ZNF536: variants seen among roughly 807,000 people sequenced by gnomAD.
ZNF536 encodes zinc finger protein 536.
Under a neutral mutation model 84.5 loss-of-function variants are expected in ZNF536, and 13 were observed. That is an observed-to-expected ratio of 0.15 (90% CI 0.10 to 0.24). The LOEUF (loss-of-function observed/expected upper bound fraction) is 0.24. Ranked by LOEUF, ZNF536 falls within the 10% of genes least tolerant of loss-of-function variation. ZNF536 has a pLI of 1.00. For synonymous variants in ZNF536, 811 were observed against 742.5 expected, an observed-to-expected ratio of 1.09 and a Z score of -1.50; for missense variants, 1,536 against 1,747.5, an observed-to-expected ratio of 0.88 and a Z score of 2.16.
intron 1 of ZNF536, among the ~76,000 whole-genome samples, chr19:30,616,648 A>G (rs1034652505): frequency 4.6e-5 from 7 of 152,196 alleles, no homozygotes; most frequent in African/African-American, 1.7e-4. Flanking sequence ...TTTGATAACC[A>G]TATTATATCA....
intron 2 of ZNF536, among the ~76,000 whole-genome samples, chr19:30,491,885 T>C (rs543206779): frequency 1.3e-5 from 2 of 152,210 alleles, no homozygotes; most frequent in South Asian, 4.2e-4. Flanking sequence ...TTACTCCTGA[T>C]AAAATCCCGT....
chr19:30,540,854 A>T (rs2045300643), intron 3 of ZNF536, among the ~76,000 whole-genome samples: 2 of 152,206 alleles, frequency 1.3e-5, no homozygotes, highest in Admixed American at 6.5e-5. Context: ...GCCTCCAGGG[A>T]ATTTAAAAGG....
chr19:30,418,511 GA>G (rs974136512), intron 1 of ZNF536, among the ~76,000 whole-genome samples: 8 of 152,092 alleles, frequency 5.3e-5, no homozygotes, highest in African/African-American at 1.9e-4. Flanking sequence ...TATCTGAGGA[GA>G]AAAAAATAAA....
intron 2 of ZNF536, among the ~76,000 whole-genome samples, chr19:30,451,871 C>T (rs547193396): frequency 6.6e-6 from 1 of 152,262 alleles, no homozygotes; most frequent in Admixed American, 6.5e-5. Context: ...TCATTTAAAC[C>T]TAAATTTAAT....
intron 2 of ZNF536, among the ~76,000 whole-genome samples, chr19:30,311,219 CA>C (rs2046492957): frequency 6.6e-6 from 1 of 152,124 alleles, no homozygotes; most frequent in Non-Finnish European, 1.5e-5. Context: ...GGAGGGAGAT[CA>C]GGAGCCCATC....
At chr19:30,527,489 T>C (rs1421619542) in intron 2 of ZNF536, among the ~76,000 whole-genome samples, 1 of 152,002 alleles carries the variant, frequency 6.6e-6, no homozygotes, top group Non-Finnish European at 1.5e-5. Context: ...GACATCGTTT[T>C]CTAAAATAGC....
At chr19:30,647,939 G>A (rs16964487) in intron 1 of ZNF536, among the ~76,000 whole-genome samples, 3,481 of 152,266 alleles carry the variant, frequency 0.023, 144 homozygotes, top group African/African-American at 0.079. Context: ...AGTTTCCCAC[G>A]TGTCGCTTTG....
chr19:30,398,394 T>C (rs535150034), intron 1 of ZNF536, among the ~76,000 whole-genome samples: 10 of 151,936 alleles, frequency 6.6e-5, no homozygotes, highest in East Asian at 1.9e-4. Context: ...TTTTCTTTTT[T>C]TTTTTTAAAT....
intron 2 of ZNF536, among the ~76,000 whole-genome samples, chr19:30,485,069 G>A (rs141895925): frequency 0.047 from 7,083 of 151,958 alleles, 221 homozygotes; most frequent in South Asian, 0.11. Context: ...GTGTGAACCC[G>A]GAAGGCAGAG....
intron 1 of ZNF536, among the ~76,000 whole-genome samples, chr19:30,434,304 A>G (rs866542154): frequency 1.3e-5 from 2 of 152,132 alleles, no homozygotes; most frequent in Middle Eastern, 3.2e-3. Context: ...GACCTGCTAC[A>G]TTTCTCCGTC....
chr19:30,233,051 G>A (rs2023194275), intron 1 of ZNF536, among the ~76,000 whole-genome samples: 1 of 152,192 alleles, frequency 6.6e-6, no homozygotes, highest in Non-Finnish European at 1.5e-5. Flanking sequence ...AAATCCCAGT[G>A]CCCTGTAAGT....
At chr19:30,671,594 G>C (rs574608005) in intron 1 of ZNF536, among the ~76,000 whole-genome samples, 25 of 152,260 alleles carry the variant, frequency 1.6e-4, no homozygotes, top group African/African-American at 6.0e-4. Context: ...TGCTGAGAGG[G>C]CACAGCCTCA....
intron 2 of ZNF536, among the ~76,000 whole-genome samples, chr19:30,337,278 TG>T (rs746009737): frequency 2.0e-5 from 3 of 152,282 alleles, no homozygotes; most frequent in East Asian, 3.9e-4. Context: ...GCTGAGCAGA[TG>T]GCTGGCGTCC....
intron 1 of ZNF536, among the ~76,000 whole-genome samples, chr19:30,647,859 G>A (rs2049535115): frequency 6.6e-6 from 1 of 152,210 alleles, no homozygotes; most frequent in African/African-American, 2.4e-5. Flanking sequence ...GCAGCATGAA[G>A]TCTTGAGGCT....
intron 1 of ZNF536, among the ~76,000 whole-genome samples, chr19:30,424,606 A>C (rs2051131379): frequency 6.6e-6 from 1 of 151,788 alleles, no homozygotes; most frequent in South Asian, 2.1e-4. Flanking sequence ...GGGGATGAGG[A>C]GGGGAGGATG....
chr19:30,632,841 T>C (rs1455637294), intron 1 of ZNF536, among the ~76,000 whole-genome samples: 1 of 152,142 alleles, frequency 6.6e-6, no homozygotes, highest in Non-Finnish European at 1.5e-5. Flanking sequence ...GAAGTCAAAA[T>C]CCCTGACTGA....
chr19:30,450,033 AAGAAAAAG>A (rs2052526282), intron 2 of ZNF536, among the ~76,000 whole-genome samples: 1 of 151,472 alleles, frequency 6.6e-6, no homozygotes, highest in African/African-American at 2.4e-5. Context: ...GAAAAAGAAA[AAGAAAAAG>A]AAAAAAAATT....
At chr19:30,681,216 G>A (rs796399505) in intron 1 of ZNF536, among the ~76,000 whole-genome samples, 20 of 152,314 alleles carry the variant, frequency 1.3e-4, no homozygotes, top group African/African-American at 4.8e-4. Context: ...GAGTGGGCAG[G>A]AGGGTCACTG....
intron 4 of ZNF536, among the ~76,000 whole-genome samples, chr19:30,551,945 G>A (rs1041315197): frequency 3.3e-5 from 5 of 151,924 alleles, no homozygotes; most frequent in Non-Finnish European, 7.4e-5. Context: ...TTATTTTCTT[G>A]CGGGCTACTG....
Sources: allele counts gnomAD v4.1 joint callset (sites outside exome capture counted in the v4.1 genomes callset), GRCh38; gene constraint gnomAD v4.1.1; transcripts MANE v1.5; gene names NCBI Gene and HGNC (gene_info 2026-07-23, HGNC 2026-07-21).